The following PPP6R2 variants were observed in gnomAD, a reference collection of about 807,000 sequenced individuals.
PPP6R2 encodes serine/threonine-protein phosphatase 6 regulatory subunit 2.
A neutral mutation model predicts 100.2 loss-of-function variants in PPP6R2; 62 were observed. The ratio of observed to expected loss-of-function variants is 0.62; its 90% CI spans 0.50 to 0.76. The LOEUF is 0.76. PPP6R2 is among the 30% of genes least tolerant of loss of function. PPP6R2 has a pLI of 0.00. For missense variants in PPP6R2, 1,142 were observed against 1,276.3 expected (o/e 0.89, Z 1.60); for synonymous variants, 525 against 514.7 (o/e 1.02, Z -0.27).
At chr22:50,363,611 G>A (rs761910679) in intron 1 of PPP6R2, among the ~76,000 whole-genome samples, 1 of 152,214 alleles carries the variant, frequency 6.6e-6, no homozygotes, top group African/African-American at 2.4e-5. Flanking sequence ...CCTGCAGAAT[G>A]GAGAAGCCAG....
intron 1 of PPP6R2, among the ~76,000 whole-genome samples, chr22:50,350,689 C>G (rs138557554): frequency 0.015 from 2,299 of 150,816 alleles, 51 homozygotes; most frequent in African/African-American, 0.053. Context: ...ACTAAAAATT[C>G]AAAAAATTAG....
chr22:50,352,479 C>T (rs2045523045), intron 1 of PPP6R2, among the ~76,000 whole-genome samples: 1 of 152,006 alleles, frequency 6.6e-6, no homozygotes, highest in Admixed American at 6.6e-5. Context: ...CCTGTAATCC[C>T]AGCACTTTGT....
In PPP6R2 at chr22:50,353,610, C is replaced by T. The variant is rs375635490; in HGVS notation, c.-148+10060C>T. On this transcript the variant is annotated intron_variant, in intron 1 of 23. Coordinates refer to ENST00000612753, the MANE Select transcript of PPP6R2 (RefSeq NM_001242898.2). ...TAAGCACATGCTGTTGGAAAAATGG[C>T]ACCCCTCGACGTGCTTGACGCAAGG... Among the ~76,000 whole-genome samples, 13 of 152,196 alleles carry T rather than the reference C, an allele frequency of 8.5e-5. No individual in the cohort carries two copies. The South Asian group carries it at 2.3e-3, about 27-fold the overall frequency.
At chr22:50,372,668 G>C (rs576650422) in intron 2 of PPP6R2, among the ~76,000 whole-genome samples, 37 of 152,142 alleles carry the variant, frequency 2.4e-4, no homozygotes, top group African/African-American at 8.9e-4. Flanking sequence ...CAAGTTGCTT[G>C]GTCTTTCCAA....
intron 1 of PPP6R2, among the ~76,000 whole-genome samples, chr22:50,361,020 A>G (rs1389476527): frequency 6.6e-6 from 1 of 152,128 alleles, no homozygotes; most frequent in African/African-American, 2.4e-5. Context: ...GTCACTCATC[A>G]TCCTGTTGAC....
chr22:50,437,972 T>C, intron 17 of PPP6R2, 72 bp downstream of exon 17: 1 of 1,553,074 alleles, frequency 6.4e-7, no homozygotes, highest in Non-Finnish European at 8.8e-7. Flanking sequence ...CATGGCTCGG[T>C]CTGTCATGGG....
chr22:50,385,166 C>T (rs936397542), intron 2 of PPP6R2, among the ~76,000 whole-genome samples: 1 of 152,088 alleles, frequency 6.6e-6, no homozygotes, highest in African/African-American at 2.4e-5. Context: ...AAGGCCCTAC[C>T]TTTCAATACT....
In PPP6R2 at chr22:50,443,956, G is replaced by A. The variant is rs138213252; in HGVS notation, c.2670G>A (p.Glu890=). 469 of 1,611,588 alleles carry A rather than the reference G, an allele frequency of 2.9e-4. 3 individuals carry two copies. In the African/African-American group the frequency reaches 5.6e-3, roughly 19 times the overall value. The stretch of plus-strand genomic sequence containing the variant: ...CCCCAGCCGTGGCTGTGCCCCCCGA[G>A]GCTACTGTGGCCATCACCACAGCAC... ...TAAPAVAVPP[E]ATVAITTALS... The change falls in exon 23 of 24, where the codon GAG becomes GAA. Residue 890 remains glutamate, a synonymous_variant. Transcript: ENST00000612753.
intron 1 of PPP6R2, among the ~76,000 whole-genome samples, chr22:50,366,354 A>G (rs760296435): frequency 8.9e-5 from 13 of 145,522 alleles, no homozygotes; most frequent in Non-Finnish European, 1.6e-4. Flanking sequence ...TCTGTCACCT[A>G]GGCTGGAGTG....
chr22:50,350,377 C>T (rs2044766731), intron 1 of PPP6R2, among the ~76,000 whole-genome samples: 2 of 150,976 alleles, frequency 1.3e-5, no homozygotes, highest in South Asian at 2.1e-4. Context: ...ATTACAGGCG[C>T]CCACCACCAT....
chr22:50,383,926 C>T (rs1288576190), intron 2 of PPP6R2, among the ~76,000 whole-genome samples: 1 of 150,234 alleles, frequency 6.7e-6, no homozygotes, highest in Non-Finnish European at 1.5e-5. Flanking sequence ...ATCCAAGCTA[C>T]TTGGGAGGCT....
chr22:50,441,444 G>A (rs1183484767), intron 22 of PPP6R2, among the ~76,000 whole-genome samples: 1 of 152,186 alleles, frequency 6.6e-6, no homozygotes, highest in African/African-American at 2.4e-5. Flanking sequence ...GTCGGGGAGG[G>A]GCACAGACTT....
At position 50,437,919 on chromosome 22, in the gene PPP6R2, G is replaced by A. The variant is rs751609601; in HGVS notation, c.1839+19G>A. 1.2e-5 allele frequency: 18 copies of A among 1,560,268 alleles called. No individual in the cohort carries two copies. Among genetic ancestry groups the A allele is most frequent in the Non-Finnish European group, 1.4e-5 (16 of 1,152,448 alleles). On this transcript the variant is annotated intron_variant, in intron 17 of 23. Transcript: ENST00000612753. ...GGACAGTGTGAGCAAGCCGGGCTGT[G>A]TGGGGTGCCGCCACCCTTTTCCCAG... is the stretch of plus-strand genomic sequence containing the variant.
At chr22:50,333,553 C>T in the PPP6R2 span, among the ~76,000 whole-genome samples, 1 of 152,010 alleles carries the variant, frequency 6.6e-6, no homozygotes, top group African/African-American at 2.4e-5. Flanking sequence ...AGGATGGTCT[C>T]GATCTCCTGA....
In PPP6R2 at chr22:50,441,117, G is replaced by T. The variant is rs2065488078; in HGVS notation, c.2579+91G>T. ...CAGGTCTCAGCTCCCCTGAGAGGAG[G>T]TGAGGCCAGGCCAGGGTCTTCTCCA... On this transcript the variant is annotated intron_variant, in intron 22 of 23. Coordinates refer to ENST00000612753, the MANE Select transcript of PPP6R2 (RefSeq NM_001242898.2). 2.6e-6 allele frequency: 3 copies of T among 1,144,780 alleles called. No individual in the cohort carries two copies. In the African/African-American group the frequency reaches 4.7e-5, roughly 18 times the overall value. The allele number at this position is 1,144,780 out of a possible 1,614,324, so 70.9% of individuals were successfully genotyped here.
intron 9 of PPP6R2, 86 bp downstream of exon 9, chr22:50,422,466 C>A: frequency 6.5e-7 from 1 of 1,530,658 alleles, no homozygotes. Flanking sequence ...CAGCTTGTCC[C>A]ATAGGTAGCA....
chr22:50,340,023 GTGTA>G (rs2042354445), upstream of PPP6R2, among the ~76,000 whole-genome samples: 1 of 144,756 alleles, frequency 6.9e-6, no homozygotes, highest in Non-Finnish European at 1.5e-5. Context: ...TGTAGTGTGT[GTGTA>G]GGGTGTGTGG....
Position 50,394,005 on chromosome 22 carries a change from A to G in PPP6R2, c.97A>G (p.Ile33Val), listed in dbSNP as rs779861300. ...GCAGGAGTTAATGGATGAAGATGAC[A>G]TCTTGCAGGAGTGTAAGGCTCAGAA... ...TLQELMDEDD[I>V]LQECKAQNQK... The change falls in exon 3 of 24, where the codon ATC becomes GTC. Residue 33 changes from isoleucine to valine, a missense_variant. Physicochemically the swap from Ile to Val is conservative, Grantham distance 29. Transcript: ENST00000612753. 15 of 1,614,064 alleles carry G rather than the reference A, an allele frequency of 9.3e-6. No homozygotes were observed. Among genetic ancestry groups the G allele is most frequent in the Admixed American group, 3.3e-5 (2 of 60,008 alleles).
chr22:50,366,030 A>G (rs1033416117), intron 1 of PPP6R2, among the ~76,000 whole-genome samples: 3 of 151,952 alleles, frequency 2.0e-5, no homozygotes, highest in African/African-American at 7.3e-5. Flanking sequence ...TGTGAATTTT[A>G]TCTTGTTGGA....
Sources: allele counts gnomAD v4.1 joint callset (sites outside exome capture counted in the v4.1 genomes callset), GRCh38; gene constraint gnomAD v4.1.1; transcripts MANE v1.5; gene names NCBI Gene and HGNC (gene_info 2026-07-23, HGNC 2026-07-21).